The following DPP6 variants were observed in gnomAD, a reference collection of about 807,000 sequenced individuals.
DPP6 encodes dipeptidyl peptidase like 6.
In DPP6, 69 loss-of-function variants were observed where a neutral mutation model predicts 122.6. The observed-to-expected ratio is 0.56, with a 90% confidence interval of 0.46 to 0.69. The LOEUF (loss-of-function observed/expected upper bound fraction) is 0.69, where lower values mean the gene tolerates loss of function less well. Among genes scored for constraint, DPP6 ranks in the 30% least tolerant of loss-of-function variants. The pLI, the probability that DPP6 is intolerant of heterozygous loss-of-function variation, is 0.00. For synonymous variants in DPP6, 418 were observed against 433.1 expected (o/e 0.97, Z 0.43); for missense variants, 928 against 1,116.9 (o/e 0.83, Z 2.41).
At chr7:154,217,730 T>C (rs1800084019) in intron 1 of DPP6, among the ~76,000 whole-genome samples, 1 of 152,180 alleles carries the variant, frequency 6.6e-6, no homozygotes, top group Non-Finnish European at 1.5e-5. Context: ...CTCATCCCTT[T>C]CTCACTCTGA....
intron 1 of DPP6, among the ~76,000 whole-genome samples, chr7:154,434,085 T>A (rs1038575053): frequency 6.6e-6 from 1 of 152,216 alleles, no homozygotes; most frequent in Non-Finnish European, 1.5e-5. Context: ...AGACATTGGG[T>A]CATAAAATAA....
At chr7:154,415,707 T>C in intron 1 of DPP6, among the ~76,000 whole-genome samples, 1 of 149,298 alleles carries the variant, frequency 6.7e-6, no homozygotes, top group East Asian at 1.9e-4. Flanking sequence ...GATAGTAGCG[T>C]TGGGCAGTAC....
chr7:153,801,327 T>C, the DPP6 span, among the ~76,000 whole-genome samples: 5,554 of 150,342 alleles, frequency 0.037, 319 homozygotes, highest in African/African-American at 0.12. Context: ...CCATCCATCC[T>C]CACAACGCAG....
intron 1 of DPP6, among the ~76,000 whole-genome samples, chr7:154,206,833 T>C (rs1428927130): frequency 6.6e-6 from 1 of 152,240 alleles, no homozygotes; most frequent in African/African-American, 2.4e-5. Context: ...TGGTTAATGC[T>C]GTGTGATGTG....
chr7:154,840,325 C>A (rs1359381014), intron 16 of DPP6, among the ~76,000 whole-genome samples: 1 of 152,228 alleles, frequency 6.6e-6, no homozygotes, highest in Non-Finnish European at 1.5e-5. Flanking sequence ...GGTGGACCAA[C>A]CATCAGGGGC....
chr7:154,705,542 G>A (rs565340412), intron 7 of DPP6, among the ~76,000 whole-genome samples: 3 of 152,304 alleles, frequency 2.0e-5, no homozygotes, highest in East Asian at 3.9e-4. Flanking sequence ...GAAGCTCCAG[G>A]AAAGGCATGA....
At chr7:154,484,260 G>T (rs889211481) in intron 3 of DPP6, among the ~76,000 whole-genome samples, 2 of 152,310 alleles carry the variant, frequency 1.3e-5, no homozygotes, top group South Asian at 4.1e-4. Flanking sequence ...GTGACCAACA[G>T]AAAGTGTCTC....
chr7:154,561,547 C>A (rs1830426327), intron 4 of DPP6, among the ~76,000 whole-genome samples: 1 of 151,878 alleles, frequency 6.6e-6, no homozygotes, highest in African/African-American at 2.4e-5. Flanking sequence ...AAAATAAAAG[C>A]AATAATATCA....
At chr7:154,759,501 CA>C (rs1480713018) in intron 8 of DPP6, among the ~76,000 whole-genome samples, 1 of 152,236 alleles carries the variant, frequency 6.6e-6, no homozygotes, top group Non-Finnish European at 1.5e-5. Context: ...CGAGGCCAGG[CA>C]GAGGCCACTG....
chr7:154,449,579 C>T (rs1402983988), intron 2 of DPP6, among the ~76,000 whole-genome samples: 1 of 152,090 alleles, frequency 6.6e-6, no homozygotes, highest in Non-Finnish European at 1.5e-5. Context: ...TAATTCTACT[C>T]CTAGGTATAG....
At chr7:154,166,907 T>C (rs530808852) in intron 1 of DPP6, among the ~76,000 whole-genome samples, 1 of 147,582 alleles carries the variant, frequency 6.8e-6, no homozygotes, top group Non-Finnish European at 1.5e-5. Flanking sequence ...TGAGATTCCA[T>C]CTTAAAAAAA....
intron 1 of DPP6, among the ~76,000 whole-genome samples, chr7:154,313,685 G>GTGTGTGTGTGTGTGTA: frequency 1.2e-3 from 24 of 20,470 alleles, no homozygotes; most frequent in African/African-American, 3.0e-3. Flanking sequence ...TTAAGATATG[G>GTGTGTGTGTGTGTGTA]TATATATATA....
At chr7:154,637,750 G>A (rs909572111) in intron 5 of DPP6, 71 bp from the exon 6 acceptor site, 2 of 1,485,318 alleles carry the variant, frequency 1.3e-6, no homozygotes, top group East Asian at 5.1e-5. Context: ...AGGATTCACA[G>A]TGATTTGAAA....
chr7:154,542,029 A>G (rs906177417), intron 4 of DPP6, among the ~76,000 whole-genome samples: 23 of 152,178 alleles, frequency 1.5e-4, no homozygotes, highest in Non-Finnish European at 3.2e-4. Flanking sequence ...TGCTATTTAA[A>G]TACTTTCATT....
chr7:153,972,291 A>G (rs1796060860), intron 1 of DPP6, among the ~76,000 whole-genome samples: 1 of 150,822 alleles, frequency 6.6e-6, no homozygotes. Flanking sequence ...TCCATCACAC[A>G]TTAGGTTGAC....
chr7:154,449,139 C>T (rs775384990), intron 2 of DPP6, among the ~76,000 whole-genome samples: 5 of 150,976 alleles, frequency 3.3e-5, no homozygotes, highest in African/African-American at 9.7e-5. Flanking sequence ...GACAACCCAC[C>T]GAATGGGAGA....
chr7:154,424,751 A>G (rs1321114441), intron 1 of DPP6, among the ~76,000 whole-genome samples: 1 of 152,192 alleles, frequency 6.6e-6, no homozygotes, highest in Admixed American at 6.5e-5. Context: ...TCTGCTGCAG[A>G]TTCTAGATCT....
At chr7:154,891,549 G>C (rs996918705) in intron 25 of DPP6, among the ~76,000 whole-genome samples, 2 of 152,188 alleles carry the variant, frequency 1.3e-5, no homozygotes, top group Non-Finnish European at 2.9e-5. Flanking sequence ...CGCAAAATCT[G>C]TGGGGTGGGC....
intron 1 of DPP6, among the ~76,000 whole-genome samples, chr7:154,021,164 T>A (rs1391113607): frequency 6.6e-6 from 1 of 152,150 alleles, no homozygotes; most frequent in African/African-American, 2.4e-5. Flanking sequence ...TTGCAGCACC[T>A]TACCACTCAG....
Sources: gnomAD v4.1 joint callset for allele counts (sites outside exome capture counted in the v4.1 genomes callset) on GRCh38, gnomAD v4.1.1 for gene constraint, MANE v1.5 for transcripts, NCBI Gene and HGNC (gene_info 2026-07-23, HGNC 2026-07-21) for gene names.